Variants in MBNL1 observed in about 807,000 individuals in gnomAD.
MBNL1 encodes the protein muscleblind like splicing regulator 1.
A neutral mutation model predicts 42.2 loss-of-function variants in MBNL1; 8 were observed. The ratio of observed to expected loss-of-function variants is 0.19; its 90% CI spans 0.11 to 0.34. The LOEUF (loss-of-function observed/expected upper bound fraction) is 0.34. MBNL1 is among the 10% of genes least tolerant of loss of function. The pLI, the probability that MBNL1 is intolerant of heterozygous loss-of-function variation, is 1.00. For synonymous variants in MBNL1, 169 were observed against 173.9 expected, an observed-to-expected ratio of 0.97 and a Z score of 0.22; for missense variants, 309 against 495.3, an observed-to-expected ratio of 0.62 and a Z score of 3.57.
chr3:152,447,905 A>G (rs1713344829), intron 6 of MBNL1, 132 bp downstream of exon 6: 1 of 660,168 alleles, frequency 1.5e-6, no homozygotes, highest in South Asian at 3.3e-5. Context: ...CAATGATGGA[A>G]ACTTATCTGA....
At chr3:152,334,895 G>A (rs966436810) in intron 2 of MBNL1, among the ~76,000 whole-genome samples, 1 of 152,184 alleles carries the variant, frequency 6.6e-6, no homozygotes, top group Non-Finnish European at 1.5e-5. Flanking sequence ...CAGATTTTCA[G>A]TATGATCACA....
intron 1 of MBNL1, 54 bp downstream of exon 1, chr3:152,269,146 C>T (rs755513018): frequency 1.3e-4 from 56 of 432,914 alleles, no homozygotes; most frequent in Non-Finnish European, 2.1e-4. Context: ...CGGACTCCGG[C>T]GGGTCTGCCC....
intron 2 of MBNL1, among the ~76,000 whole-genome samples, chr3:152,259,561 G>T (rs1412782020): frequency 1.3e-5 from 2 of 152,216 alleles, no homozygotes; most frequent in African/African-American, 2.4e-5. Context: ...AAGCTGGCTA[G>T]CTTTGTCTGT....
At position 152,299,948 on chromosome 3, in the gene MBNL1, A is replaced by G. The variant is rs1577377892; in HGVS notation, c.-246A>G. ...ACGTTCATCTACTTACAATCCTAGT[A>G]TTTCTCTAAAAACCAAAACCTCTTT... On this transcript the variant is annotated 5_prime_UTR_variant, in exon 2 of 10. Transcript: ENST00000324210. 4.2e-6 allele frequency: 2 copies of G among 481,134 alleles called. No individual in the cohort carries two copies. Among genetic ancestry groups the G allele is most frequent in the East Asian group, 6.6e-5 (2 of 30,460 alleles). 29.8% of individuals were successfully genotyped at this position (481,134 alleles called of 1,614,324 possible). A position where few individuals can be genotyped will look rare whatever the true frequency, so the allele number is the denominator to read the frequency against.
chr3:152,277,174 A>T (rs1237016777), intron 1 of MBNL1, among the ~76,000 whole-genome samples: 1 of 152,208 alleles, frequency 6.6e-6, no homozygotes, highest in African/African-American at 2.4e-5. Context: ...ATTTCTTAAA[A>T]CATTTCATTT....
At chr3:152,248,967 A>T (rs1183027859) in intron 2 of MBNL1, among the ~76,000 whole-genome samples, 1 of 151,804 alleles carries the variant, frequency 6.6e-6, no homozygotes, top group Non-Finnish European at 1.5e-5. Flanking sequence ...TTATGGCTGC[A>T]TAGTATTCCA....
chr3:152,421,119 T>G (rs2098798086), intron 3 of MBNL1, among the ~76,000 whole-genome samples: 1 of 152,156 alleles, frequency 6.6e-6, no homozygotes, highest in South Asian at 2.1e-4. Flanking sequence ...TGGGACTGTG[T>G]GTAAAGACCA....
chr3:152,447,235 A>G (rs1216465136), intron 5 of MBNL1, among the ~76,000 whole-genome samples: 2 of 152,198 alleles, frequency 1.3e-5, no homozygotes, highest in East Asian at 1.9e-4. Context: ...GTCACTCTGT[A>G]CAATTAACTA....
chr3:152,456,229 C>A (rs1046459521), intron 7 of MBNL1, 38 bp from the exon 8 acceptor site: 1 of 1,395,826 alleles, frequency 7.2e-7, no homozygotes, highest in Non-Finnish European at 1.0e-6. Context: ...TTGCTACACT[C>A]TTCTGTATGT....
At position 152,300,200 on chromosome 3, in the gene MBNL1, G is replaced by A; in HGVS notation, c.7G>A (p.Val3Ile). ...CTACCTGTAAAATCTAAACATGGCT[G>A]TTAGTGTCACACCAATTCGGGACAC... is the stretch of plus-strand genomic sequence containing the variant. MA[V>I]SVTPIRDTKW... The change falls in exon 2 of 10, where the codon GTT (valine) becomes ATT (isoleucine). Residue 3 changes from valine to isoleucine, a missense_variant. Val to Ile is a conservative substitution (Grantham distance 29, BLOSUM62 3). Coordinates refer to ENST00000324210, the MANE Select transcript of MBNL1 (RefSeq NM_021038.5). 6.3e-7 allele frequency: 1 copy of A among 1,593,352 alleles called. No homozygotes were observed. Among genetic ancestry groups the A allele is most frequent in the Non-Finnish European group, 8.6e-7 (1 of 1,167,394 alleles).
intron 2 of MBNL1, among the ~76,000 whole-genome samples, chr3:152,313,544 G>A (rs967227022): frequency 3.9e-5 from 6 of 152,170 alleles, no homozygotes; most frequent in African/African-American, 1.4e-4. Flanking sequence ...ATCATTTAAT[G>A]TAGTGTCTTA....
chr3:152,348,731 G>A (rs1426212801), intron 2 of MBNL1, among the ~76,000 whole-genome samples: 1 of 152,042 alleles, frequency 6.6e-6, no homozygotes, highest in East Asian at 1.9e-4. Flanking sequence ...AGAATTTAGT[G>A]TGTTTTCTAG....
At chr3:152,356,927 C>T (rs1410018755) in intron 2 of MBNL1, among the ~76,000 whole-genome samples, 1 of 150,908 alleles carries the variant, frequency 6.6e-6, no homozygotes, top group Non-Finnish European at 1.5e-5. Flanking sequence ...ATGTGTTTCC[C>T]TTGTGGTGTT....
intron 2 of MBNL1, among the ~76,000 whole-genome samples, chr3:152,325,087 G>GCCCCCCTCC (rs1553824974): frequency 6.5e-5 from 1 of 15,368 alleles, no homozygotes; most frequent in Non-Finnish European, 1.4e-4. Context: ...CCACATACCC[G>GCCCCCCTCC]CCCCCCCCCG....
chr3:152,244,460 A>G (rs959884147), intron 2 of MBNL1: 1 of 152,168 alleles, frequency 6.6e-6, no homozygotes, highest in Non-Finnish European at 1.5e-5. Context: ...ATTATTTGCT[A>G]TTTTTCATTT....
rs541630414 is a variant in MBNL1 at position 152,286,347 on chromosome 3, TATAA to T, written c.-789-13054_-789-13051del. Reference sequence around the variant, plus strand: ...ATATTTAATTATATTTTATTTATAATATAAATATTTATATTTTATTTATAATATA... The same window carrying T: ...ATATTTAATTATATTTTATTTATAATATATTTATATTTTATTTATAATATA... On this transcript the variant is annotated intron_variant, in intron 1 of 9. Coordinates refer to ENST00000324210, the MANE Select transcript of MBNL1 (RefSeq NM_021038.5). 9.2e-4 allele frequency among the ~76,000 whole-genome samples: 132 copies of T among 143,294 alleles called. 3 individuals carry two copies. Among genetic ancestry groups the T allele is most frequent in the African/African-American group, 3.2e-3 (127 of 39,796 alleles). 94.0% of individuals were successfully genotyped at this position (143,294 alleles called of 152,430 possible).
At chr3:152,256,022 G>A (rs2035401283) in intron 2 of MBNL1, among the ~76,000 whole-genome samples, 1 of 152,138 alleles carries the variant, frequency 6.6e-6, no homozygotes, top group African/African-American at 2.4e-5. Flanking sequence ...ACCAAGGAAT[G>A]GAGTTGCACA....
chr3:152,436,003 A>G (rs1375436755), intron 4 of MBNL1, among the ~76,000 whole-genome samples: 1 of 152,096 alleles, frequency 6.6e-6, no homozygotes, highest in Non-Finnish European at 1.5e-5. Context: ...GGATAATTTG[A>G]CTTCCTCTCT....
chr3:152,374,902 T>C (rs751031628), intron 2 of MBNL1, among the ~76,000 whole-genome samples: 6 of 152,238 alleles, frequency 3.9e-5, no homozygotes, highest in Non-Finnish European at 7.3e-5. Context: ...TTCATTATAT[T>C]ATTTCTTGGA....
Sources: allele counts gnomAD v4.1 joint callset (sites outside exome capture counted in the v4.1 genomes callset), GRCh38; gene constraint gnomAD v4.1.1; transcripts MANE v1.5; gene names NCBI Gene and HGNC (gene_info 2026-07-23, HGNC 2026-07-21).